The following SCML4 variants were observed in gnomAD, a reference collection of about 807,000 sequenced individuals.
The protein encoded by SCML4 is Scm polycomb group protein like 4.
SCML4 carries 34 observed loss-of-function variants against 41.1 expected under a neutral mutation model. The observed-to-expected ratio is 0.83, with a 90% CI of 0.63 to 1.10. The LOEUF is 1.10. Among genes scored for constraint, SCML4 ranks in the 50% least tolerant of loss-of-function variants. The probability of loss-of-function intolerance (pLI) is 0.00; values close to 1 mark genes in which losing one functional copy is unlikely to be tolerated. For synonymous variants in SCML4, 214 were observed against 220.9 expected (o/e 0.97, Z 0.28); for missense variants, 522 against 534.1 (o/e 0.98, Z 0.22).
rs879934792 is a variant in SCML4, at chr6:107,746,700, T to G, written c.476A>C (p.Glu159Ala). The change falls in exon 4 of 8, where the codon GAG becomes GCG. Residue 159 changes from glutamate (E) to alanine (A), a missense_variant. Physicochemically the swap from Glu to Ala is moderately radical, Grantham distance 107. Coordinates refer to ENST00000369020, the MANE Select transcript of SCML4 (RefSeq NM_198081.5). ...FSLVKQGYGGEMVSVSASFDG... is the reference protein window; with the variant it reads ...FSLVKQGYGGAMVSVSASFDG... The stretch of plus-strand genomic sequence containing the variant: ...GCCCCAGGCCTTACCTGACACCATC[T>G]CACCACCATAGCCCTGCTTGACCAG... 3.7e-6 allele frequency: 6 copies of G among 1,613,774 alleles called. No individual in the cohort carries two copies. Among genetic ancestry groups the G allele is most frequent in the African/African-American group, 2.7e-5 (2 of 74,894 alleles).
chr6:107,744,940 A>G lies in SCML4; in HGVS notation c.682+9T>C, dbSNP rs6922304. 0.19 allele frequency: 302,989 copies of G among 1,586,486 alleles called. 29,746 individuals carry two copies. The highest frequency in any genetic ancestry group is 0.22 in the Middle Eastern group (1,278 of 5,886). The stretch of plus-strand genomic sequence containing the variant: ...TCCCTGCAGGTGGGGGAAGCAGGAC[A>G]AGGCCTACCTGATTCCATCCTCCCT... On this transcript the variant is annotated intron_variant, in intron 5 of 7. Coordinates refer to ENST00000369020, the MANE Select transcript of SCML4 (RefSeq NM_198081.5).
At chr6:107,812,642 G>T (rs1018913581) in intron 1 of SCML4, among the ~76,000 whole-genome samples, 1 of 152,140 alleles carries the variant, frequency 6.6e-6, no homozygotes, top group Non-Finnish European at 1.5e-5. Context: ...GACCCTCCGT[G>T]GGGTAAGAGG....
At chr6:107,819,397 A>G (rs1297186444) in intron 1 of SCML4, among the ~76,000 whole-genome samples, 3 of 152,198 alleles carry the variant, frequency 2.0e-5, no homozygotes, top group Non-Finnish European at 4.4e-5. Flanking sequence ...AGCTCCCCAA[A>G]GTTGAGTCAC....
chr6:107,708,091 A>C, intron 6 of SCML4, 80 bp from the exon 7 acceptor site: 1 of 1,478,356 alleles, frequency 6.8e-7, no homozygotes, highest in South Asian at 1.3e-5. Flanking sequence ...GCCCCCACCT[A>C]GCCTGGAAGG....
chr6:107,742,902 C>T (rs1189588728), intron 5 of SCML4, among the ~76,000 whole-genome samples: 1 of 152,154 alleles, frequency 6.6e-6, no homozygotes, highest in Non-Finnish European at 1.5e-5. Context: ...ACTGTAATTG[C>T]TGTGTATAAT....
At chr6:107,729,337 G>A (rs1044762362) in intron 5 of SCML4, among the ~76,000 whole-genome samples, 1 of 152,242 alleles carries the variant, frequency 6.6e-6, no homozygotes, top group East Asian at 1.9e-4. Flanking sequence ...TCCTTGGCTG[G>A]AGACAGCGCT....
At chr6:107,818,872 T>C (rs1784742955) in intron 1 of SCML4, among the ~76,000 whole-genome samples, 1 of 152,202 alleles carries the variant, frequency 6.6e-6, no homozygotes, top group Non-Finnish European at 1.5e-5. Context: ...AAGTGTTTCA[T>C]GGGCCTGGTG....
chr6:107,818,218 A>C (rs1245995702), intron 1 of SCML4, among the ~76,000 whole-genome samples: 1 of 152,178 alleles, frequency 6.6e-6, no homozygotes, highest in African/African-American at 2.4e-5. Flanking sequence ...GGCATCTGAA[A>C]GGGAAAATTC....
At chr6:107,804,248 C>CATGTGTGTGT (rs10636979) in intron 1 of SCML4, among the ~76,000 whole-genome samples, 1 of 150,646 alleles carries the variant, frequency 6.6e-6, no homozygotes, top group Non-Finnish European at 1.5e-5. Context: ...AAACATGAAA[C>CATGTGTGTGT]GTGTGTGTGT....
chr6:107,840,503 G>T, the SCML4 span, among the ~76,000 whole-genome samples: 1 of 152,228 alleles, frequency 6.6e-6, no homozygotes, highest in Non-Finnish European at 1.5e-5. Flanking sequence ...AGTATGCAAT[G>T]AATGCCTTCT....
chr6:107,759,681 G>T (rs1779422557), intron 2 of SCML4, among the ~76,000 whole-genome samples: 1 of 152,078 alleles, frequency 6.6e-6, no homozygotes, highest in South Asian at 2.1e-4. Flanking sequence ...TAACTAACTA[G>T]ACTTATTATT....
At chr6:107,825,179 C>A (rs111911655), upstream of SCML4, among the ~76,000 whole-genome samples, 609 of 152,338 alleles carry the variant, frequency 4.0e-3, 9 homozygotes, top group Non-Finnish European at 3.2e-3. Flanking sequence ...CAGGGCTCCC[C>A]ATTGCCCATT....
chr6:107,767,540 A>AG (rs1279611258), intron 2 of SCML4, among the ~76,000 whole-genome samples: 1 of 152,212 alleles, frequency 6.6e-6, no homozygotes, highest in African/African-American at 2.4e-5. Context: ...AGAGAACAAA[A>AG]CAATCCAACG....
At chr6:107,758,815 C>A (rs927003032) in intron 2 of SCML4, among the ~76,000 whole-genome samples, 2 of 152,092 alleles carry the variant, frequency 1.3e-5, no homozygotes, top group Non-Finnish European at 2.9e-5. Flanking sequence ...CTTCTAGCCT[C>A]CAGAAAGGAT....
chr6:107,744,900 T>C lies in SCML4; in HGVS notation c.682+49A>G, dbSNP rs753605657. The C allele has an allele frequency of 4.8e-6, 7 of 1,456,728 alleles. No homozygotes were observed. In the South Asian group the frequency reaches 5.3e-5, roughly 11 times the overall value. 90.2% of individuals were successfully genotyped at this position (1,456,728 alleles called of 1,614,324 possible). On this transcript the variant is annotated intron_variant, in intron 5 of 7. Transcript: ENST00000369020. ...TCCATAGTGGAAGGGCAGAGACACC[T>C]GGGACAGGGAGGTGTCCCTGCAGGT...
the SCML4 span, among the ~76,000 whole-genome samples, chr6:107,836,218 G>C: frequency 6.6e-6 from 1 of 151,914 alleles, no homozygotes; most frequent in South Asian, 2.1e-4. Flanking sequence ...AAGAAACCAG[G>C]CTGTTTCGAA....
chr6:107,826,859 C>G (rs952854204), upstream of SCML4, among the ~76,000 whole-genome samples: 17 of 152,104 alleles, frequency 1.1e-4, no homozygotes, highest in Non-Finnish European at 1.8e-4. Context: ...GTCAGGAGAT[C>G]GAGACCATCC....
chr6:107,806,203 C>A (rs1583638993), intron 1 of SCML4, among the ~76,000 whole-genome samples: 1 of 147,338 alleles, frequency 6.8e-6, no homozygotes. Context: ...CCCCAATAAA[C>A]AATGAGCAAG....
chr6:107,734,054 G>A (rs1776817452), intron 5 of SCML4, among the ~76,000 whole-genome samples: 1 of 152,196 alleles, frequency 6.6e-6, no homozygotes, highest in Non-Finnish European at 1.5e-5. Context: ...TATTTGAGGA[G>A]TGGGCATAGG....
Sources: gnomAD v4.1 joint callset for allele counts (sites outside exome capture counted in the v4.1 genomes callset) on GRCh38, gnomAD v4.1.1 for gene constraint, MANE v1.5 for transcripts, NCBI Gene and HGNC (gene_info 2026-07-23, HGNC 2026-07-21) for gene names.